TRPM3: variants seen among roughly 807,000 people sequenced by gnomAD.
The protein encoded by TRPM3 is long transient receptor potential channel 3.
TRPM3 carries 77 observed loss-of-function variants against 181.2 expected under a neutral mutation model. That is an observed-to-expected ratio of 0.42 (90% CI 0.35 to 0.51). The LOEUF (loss-of-function observed/expected upper bound fraction) is 0.51. Ranked by LOEUF, TRPM3 falls within the 20% of genes least tolerant of loss-of-function variation. The probability of loss-of-function intolerance (pLI) is 0.01; values close to 1 mark genes in which losing one functional copy is unlikely to be tolerated. For missense variants in TRPM3, 1,759 were observed against 2,196.7 expected, an observed-to-expected ratio of 0.80 and a Z score of 3.98; for synonymous variants, 745 against 796.4, an observed-to-expected ratio of 0.94 and a Z score of 1.09.
chr9:71,212,729 C>T (rs192186857), intron 1 of TRPM3, among the ~76,000 whole-genome samples: 7 of 152,140 alleles, frequency 4.6e-5, no homozygotes, highest in African/African-American at 1.2e-4. Flanking sequence ...TAATTGTCAG[C>T]GGAAGATTTT....
intron 1 of TRPM3, among the ~76,000 whole-genome samples, chr9:70,937,810 C>T (rs1180872583): frequency 6.9e-6 from 1 of 145,426 alleles, no homozygotes; most frequent in Non-Finnish European, 1.5e-5. Flanking sequence ...CTGTGTGATT[C>T]CTGGAGGTGC....
At chr9:71,211,981 C>T (rs1391435900) in intron 1 of TRPM3, among the ~76,000 whole-genome samples, 1 of 152,152 alleles carries the variant, frequency 6.6e-6, no homozygotes, top group Non-Finnish European at 1.5e-5. Flanking sequence ...AGATCTTCAA[C>T]TGTAATGGAT....
intron 1 of TRPM3, among the ~76,000 whole-genome samples, chr9:71,088,946 G>C (rs1236993355): frequency 6.6e-6 from 1 of 151,632 alleles, no homozygotes; most frequent in Non-Finnish European, 1.5e-5. Context: ...GGAAAGAGGA[G>C]ATAGCTTCTG....
At chr9:70,878,949 T>C (rs2095926392) in intron 1 of TRPM3, among the ~76,000 whole-genome samples, 1 of 152,116 alleles carries the variant, frequency 6.6e-6, no homozygotes, top group South Asian at 2.1e-4. Flanking sequence ...GGAGTAAAGA[T>C]TACAATAACG....
At chr9:70,777,998 C>A (rs1287116101) in intron 7 of TRPM3, among the ~76,000 whole-genome samples, 1 of 151,830 alleles carries the variant, frequency 6.6e-6, no homozygotes, top group Non-Finnish European at 1.5e-5. Context: ...CACAGACACA[C>A]ACACACACAC....
intron 1 of TRPM3, among the ~76,000 whole-genome samples, chr9:71,183,334 G>C (rs2077508058): frequency 6.6e-6 from 1 of 152,130 alleles, no homozygotes; most frequent in African/African-American, 2.4e-5. Context: ...GAACAGAGAA[G>C]AAAACATCTC....
intron 1 of TRPM3, among the ~76,000 whole-genome samples, chr9:71,298,232 G>A (rs1490341882): frequency 6.6e-6 from 1 of 152,080 alleles, no homozygotes; most frequent in Non-Finnish European, 1.5e-5. Context: ...TGTTTGATCT[G>A]GAAATCTTTA....
At chr9:70,860,020 C>A (rs2095484713) in intron 3 of TRPM3, among the ~76,000 whole-genome samples, 1 of 152,252 alleles carries the variant, frequency 6.6e-6, no homozygotes, top group Non-Finnish European at 1.5e-5. Flanking sequence ...CAGCCTGGCA[C>A]CCCTATGGAA....
chr9:71,010,355 A>T (rs2097722806), intron 1 of TRPM3, among the ~76,000 whole-genome samples: 1 of 152,146 alleles, frequency 6.6e-6, no homozygotes, highest in South Asian at 2.1e-4. Flanking sequence ...AATATCCAGA[A>T]TATATAAGAA....
intron 8 of TRPM3, among the ~76,000 whole-genome samples, chr9:70,747,231 A>G (rs1449115876): frequency 6.6e-6 from 1 of 152,204 alleles, no homozygotes; most frequent in Non-Finnish European, 1.5e-5. Flanking sequence ...AGATATACAT[A>G]AATAAAGTAT....
intron 8 of TRPM3, among the ~76,000 whole-genome samples, chr9:70,691,635 C>G (rs10115622): frequency 6.6e-6 from 1 of 151,950 alleles, no homozygotes; most frequent in Admixed American, 6.6e-5. Flanking sequence ...ATTTAAGAAC[C>G]CTGGAGTTTG....
chr9:70,863,440 C>T (rs145697757), intron 2 of TRPM3, among the ~76,000 whole-genome samples: 1 of 152,144 alleles, frequency 6.6e-6, no homozygotes, highest in African/African-American at 2.4e-5. Flanking sequence ...TTCTCTACTT[C>T]TCACTCAGCC....
At chr9:71,377,960 T>C (rs1482353231) in intron 1 of TRPM3, among the ~76,000 whole-genome samples, 1 of 151,806 alleles carries the variant, frequency 6.6e-6, no homozygotes, top group Non-Finnish European at 1.5e-5. Context: ...ATATCACGAT[T>C]TATTTATCTA....
At chr9:70,809,048 T>C (rs191140870) in intron 6 of TRPM3, among the ~76,000 whole-genome samples, 2 of 152,306 alleles carry the variant, frequency 1.3e-5, no homozygotes, top group African/African-American at 4.8e-5. Flanking sequence ...TTAATGAGTG[T>C]GTTTGTGTCT....
Position 71,247,118 on chromosome 9 carries a change from C to G in TRPM3, c.183+199535G>C, listed in dbSNP as rs149296467. On this transcript the variant is annotated intron_variant, in intron 1 of 24. Transcript: ENST00000357533. The stretch of plus-strand genomic sequence containing the variant: ...CCTTAGGTGATTTGCCTGCCTCAGC[C>G]TCCCAGTGTGCTGGGATTACAGGCC... Among the ~76,000 whole-genome samples the G allele has an allele frequency of 7.5e-3, 1,136 of 152,256 alleles. 10 individuals are homozygous for G. The highest frequency in any genetic ancestry group is 0.033 in the South Asian group (161 of 4,824).
chr9:71,237,263 A>G (rs965586204), intron 1 of TRPM3, among the ~76,000 whole-genome samples: 10 of 152,224 alleles, frequency 6.6e-5, no homozygotes, highest in African/African-American at 2.2e-4. Flanking sequence ...TGATAATCTT[A>G]AATCAAACAT....
chr9:71,177,820 G>T (rs189280287), intron 1 of TRPM3, among the ~76,000 whole-genome samples: 3 of 150,744 alleles, frequency 2.0e-5, no homozygotes, highest in Admixed American at 6.6e-5. Context: ...GTCACATAGG[G>T]TTATCTTACA....
At chr9:70,989,591 G>C (rs1240703482) in intron 1 of TRPM3, among the ~76,000 whole-genome samples, 1 of 152,132 alleles carries the variant, frequency 6.6e-6, no homozygotes, top group Non-Finnish European at 1.5e-5. Flanking sequence ...GTAGGATGGA[G>C]GTTACGGTGT....
intron 1 of TRPM3, among the ~76,000 whole-genome samples, chr9:71,175,749 A>G (rs1472709245): frequency 6.6e-6 from 1 of 152,216 alleles, no homozygotes; most frequent in East Asian, 1.9e-4. Context: ...TGGATAGATT[A>G]GGCATTAAAA....
Sources: gnomAD v4.1 joint callset for allele counts (sites outside exome capture counted in the v4.1 genomes callset) on GRCh38, gnomAD v4.1.1 for gene constraint, MANE v1.5 for transcripts, NCBI Gene and HGNC (gene_info 2026-07-23, HGNC 2026-07-21) for gene names.